The following IGHMBP2 variants were observed in gnomAD, a reference collection of about 807,000 sequenced individuals.
The protein encoded by IGHMBP2 is DNA-binding protein SMUBP-2.
Under a neutral mutation model 96.0 loss-of-function variants are expected in IGHMBP2, and 81 were observed. That is an observed-to-expected ratio of 0.84 (90% CI 0.71 to 1.01). The LOEUF is 1.01. IGHMBP2 is among the 50% of genes least tolerant of loss of function. IGHMBP2 has a pLI of 0.00. For missense variants in IGHMBP2, 1,227 were observed against 1,306.3 expected (o/e 0.94, Z 0.94); for synonymous variants, 557 against 548.9 (o/e 1.01, Z -0.21).
Position 68,906,186 on chromosome 11 carries a change from G to T in IGHMBP2, c.204G>T (p.Glu68Asp), listed in dbSNP as rs1470672532. 7 of 1,614,072 alleles carry T rather than the reference G, an allele frequency of 4.3e-6. No homozygotes were observed. Among genetic ancestry groups the T allele is most frequent in the African/African-American group, 1.3e-5 (1 of 74,918 alleles). ...GLYGRLLVTF[E>D]PRRYGSAAAL... ...ACGGACGGCTGCTGGTCACCTTTGA[G>T]CCCAGGCGATACGGGTCCGCGGCAG... The change falls in exon 2 of 15, where the codon GAG becomes GAT. Residue 68 changes from glutamate to aspartate, a missense_variant. By Grantham distance (45) the Glu-to-Asp change is conservative. This residue lies in a region of IGHMBP2 where 507 missense variants were observed against 496.9 expected (regional missense o/e 1.02). Transcript: ENST00000255078.
intron 7 of IGHMBP2, among the ~76,000 whole-genome samples, chr11:68,924,131 T>A (rs370286783): frequency 3.3e-5 from 5 of 152,330 alleles, no homozygotes; most frequent in African/African-American, 9.6e-5. Flanking sequence ...TTTAAAAAAA[T>A]TTTAAATAAC....
rs140558696 is a variant in IGHMBP2 at position 68,930,987 on chromosome 11, T to G, written c.1235+1630T>G. On this transcript the variant is annotated intron_variant, in intron 8 of 14. Coordinates refer to ENST00000255078, the MANE Select transcript of IGHMBP2 (RefSeq NM_002180.3). ...AAGAGGGAAGGAAGGATGTGCCAAT[T>G]GGTCCATGGGTGGCCATGGGCGGGC... Among the ~76,000 whole-genome samples, 239 of 152,294 alleles carry G rather than the reference T, an allele frequency of 1.6e-3. 1 individual carries two copies. The East Asian group carries it at 0.033, about 21-fold the overall frequency.
intron 2 of IGHMBP2, 164 bp downstream of exon 2, chr11:68,906,402 A>T (rs1858196145): frequency 1.3e-6 from 1 of 788,892 alleles, no homozygotes; most frequent in South Asian, 1.5e-5. Context: ...TTAGTTGTCT[A>T]GATCAGCGTT....
chr11:68,924,593 T>G (rs1358692873), intron 7 of IGHMBP2, among the ~76,000 whole-genome samples: 2 of 152,252 alleles, frequency 1.3e-5, no homozygotes, highest in African/African-American at 4.8e-5. Context: ...TGCTGGGTGT[T>G]GGCTGGAGGC....
At chr11:68,926,659 A>G (rs1859082625) in intron 7 of IGHMBP2, among the ~76,000 whole-genome samples, 1 of 152,140 alleles carries the variant, frequency 6.6e-6, no homozygotes, top group Admixed American at 6.5e-5. Context: ...ATTTCTTTAG[A>G]CTTGTTTCCC....
rs118015540 is a variant in IGHMBP2 at position 68,906,247 on chromosome 11, G to A, written c.256+9G>A. The A allele has an allele frequency of 7.7e-3, 12,475 of 1,613,624 alleles. 63 individuals carry two copies. Among genetic ancestry groups the A allele is most frequent in the Non-Finnish European group, 9.6e-3 (11,307 of 1,179,676 alleles). On this transcript the variant is annotated intron_variant, in intron 2 of 14. Coordinates refer to ENST00000255078, the MANE Select transcript of IGHMBP2 (RefSeq NM_002180.3). ...TAACAGCTTTACTTCTGGTGTGTGC[G>A]TATTGACCTAGACAGACATTGAAAT...
chr11:68,906,434 CCATGCGTGGT>C, intron 2 of IGHMBP2, 196 bp downstream of exon 2: 2 of 639,550 alleles, frequency 3.1e-6, no homozygotes. Context: ...TAGCCATTAG[CCATGCGTGGT>C]CATCAAATGT....
intron 7 of IGHMBP2, among the ~76,000 whole-genome samples, chr11:68,922,049 G>C (rs1858896822): frequency 1.3e-5 from 2 of 152,024 alleles, no homozygotes; most frequent in East Asian, 1.9e-4. Flanking sequence ...GATTTTTTCA[G>C]CCAGGTGTGG....
chr11:68,936,331 C>T lies in IGHMBP2; in HGVS notation c.1851C>T (p.Val617=), dbSNP rs780238088. 1.2e-5 allele frequency: 19 copies of T among 1,614,078 alleles called. No individual in the cohort carries two copies. The highest frequency in any genetic ancestry group is 2.7e-5 in the African/African-American group (2 of 74,920). ...HVAVICDSRT[V]NNHAFLKTLV... Reference sequence around the variant, plus strand: ...CGGTCATCTGTGACTCCCGTACTGTCAACAACCATGCATTTTTGAAGACCC... The same window carrying T: ...CGGTCATCTGTGACTCCCGTACTGTTAACAACCATGCATTTTTGAAGACCC... The change falls in exon 13 of 15, where the codon GTC becomes GTT. Residue 617 remains valine, a synonymous_variant. Transcript: ENST00000255078.
intron 7 of IGHMBP2, among the ~76,000 whole-genome samples, chr11:68,921,891 G>C (rs1472722571): frequency 6.6e-6 from 1 of 152,172 alleles, no homozygotes; most frequent in Non-Finnish European, 1.5e-5. Context: ...TTTTTGCTGC[G>C]TGAGAATTCT....
At position 68,908,287 on chromosome 11, in the gene IGHMBP2, C is replaced by G. The variant is rs1272309665; in HGVS notation, c.399C>G (p.Ser133=). The part of the protein sequence containing the change: ...DFQLSLDREN[S]YRLLKLANDV... The stretch of plus-strand genomic sequence containing the variant: ...AGTTGAGCTTGGACCGAGAGAATTC[C>G]TACAGACTGTTAAAACTTGCCAATG... Residue 133 remains serine, a synonymous_variant, in exon 3 of 15, where the codon TCC becomes TCG. Coordinates refer to ENST00000255078, the MANE Select transcript of IGHMBP2 (RefSeq NM_002180.3). The G allele has an allele frequency of 3.7e-6, 6 of 1,614,144 alleles. No homozygotes were observed. Among genetic ancestry groups the G allele is most frequent in the Non-Finnish European group, 5.1e-6 (6 of 1,180,030 alleles).
chr11:68,934,699 G>A, intron 11 of IGHMBP2, 141 bp downstream of exon 11: 1 of 732,434 alleles, frequency 1.4e-6, no homozygotes, highest in East Asian at 2.7e-5. Context: ...TGGATCCAGG[G>A]CCCAAATGAT....
intron 5 of IGHMBP2, among the ~76,000 whole-genome samples, chr11:68,914,462 AGATGGGC>A (rs2154007171): frequency 6.6e-6 from 1 of 152,334 alleles, no homozygotes; most frequent in African/African-American, 2.4e-5. Context: ...GGGAGCATAC[AGATGGGC>A]AGGCTGTGGG....
intron 6 of IGHMBP2, 25 bp downstream of exon 6, chr11:68,915,048 G>A (rs1487953688): frequency 1.3e-6 from 2 of 1,594,392 alleles, no homozygotes; most frequent in Middle Eastern, 1.8e-4. Context: ...CAGTGTCCAT[G>A]TGGGGCGTGG....
chr11:68,913,070 CA>C (rs1858507018), intron 5 of IGHMBP2, among the ~76,000 whole-genome samples: 2 of 106,822 alleles, frequency 1.9e-5, no homozygotes, highest in Non-Finnish European at 4.1e-5. Context: ...AAAAAAAAAC[CA>C]AAAAAACCAC....
At chr11:68,918,290 C>A (rs1224489414) in intron 7 of IGHMBP2, among the ~76,000 whole-genome samples, 1 of 150,752 alleles carries the variant, frequency 6.6e-6, no homozygotes, top group Non-Finnish European at 1.5e-5. Context: ...GCTCTTCTGG[C>A]TGGAGGGTTT....
In IGHMBP2 at chr11:68,908,462, G is replaced by T. The variant is rs10896378; in HGVS notation, c.450-72G>T. On this transcript the variant is annotated intron_variant, in intron 3 of 14. Transcript: ENST00000255078. ...TGTGGGTGTGGCCCTCATGGGAGTT[G>T]GTGGCAGCATTGGGGCAGAGGCTCG... The T allele has an allele frequency of 0.21, 312,370 of 1,454,184 alleles. 37,649 individuals carry two copies. Among genetic ancestry groups the T allele is most frequent in the Non-Finnish European group, 0.25 (260,709 of 1,036,184 alleles). 90.1% of individuals were successfully genotyped at this position (1,454,184 alleles called of 1,614,324 possible). A position where few individuals can be genotyped will look rare whatever the true frequency, so the allele number is the denominator to read the frequency against.
intron 5 of IGHMBP2, among the ~76,000 whole-genome samples, chr11:68,912,722 G>A (rs1475334647): frequency 6.6e-6 from 1 of 152,036 alleles, no homozygotes; most frequent in Non-Finnish European, 1.5e-5. Flanking sequence ...CCTGTGCCAA[G>A]GCAGGTGGTT....
intron 1 of IGHMBP2, among the ~76,000 whole-genome samples, 177 bp from the exon 2 acceptor site, chr11:68,905,892 C>G (rs1858170978): frequency 6.6e-6 from 1 of 152,116 alleles, no homozygotes; most frequent in African/African-American, 2.4e-5. Context: ...ATTAACTGCC[C>G]TAGGGGGATG....
Sources: allele counts gnomAD v4.1 joint callset (sites outside exome capture counted in the v4.1 genomes callset), GRCh38; gene constraint gnomAD v4.1.1; regional missense constraint gnomAD v4.1.1; transcripts MANE v1.5; gene names NCBI Gene and HGNC (gene_info 2026-07-23, HGNC 2026-07-21).